The following ITPR1 variants were observed in gnomAD, a reference collection of about 807,000 sequenced individuals.
ITPR1 encodes the protein inositol 1,4,5-trisphosphate-gated calcium channel ITPR1.
A neutral mutation model predicts 318.4 loss-of-function variants in ITPR1; 96 were observed. The observed-to-expected ratio is 0.30, with a 90% CI of 0.26 to 0.36. ITPR1 has a LOEUF of 0.36. Ranked by LOEUF, ITPR1 falls within the 10% of genes least tolerant of loss-of-function variation. The pLI, the probability that ITPR1 is intolerant of heterozygous loss-of-function variation, is 1.00. For synonymous variants in ITPR1, 1,312 were observed against 1,289.9 expected, an observed-to-expected ratio of 1.02 and a Z score of -0.37; for missense variants, 2,440 against 3,460.2, an observed-to-expected ratio of 0.71 and a Z score of 7.40.
intron 4 of ITPR1, among the ~76,000 whole-genome samples, chr3:4,618,776 C>T (rs1399254403): frequency 2.6e-5 from 4 of 152,212 alleles, no homozygotes; most frequent in Admixed American, 6.5e-5. Flanking sequence ...ACATGCCCTA[C>T]ATGGTGTCAC....
At chr3:4,768,425 T>G in intron 45 of ITPR1, 86 bp from the exon 46 acceptor site, 1 of 1,417,794 alleles carries the variant, frequency 7.1e-7, no homozygotes, top group Non-Finnish European at 9.5e-7. Flanking sequence ...GATAAAGGAA[T>G]GTAGGTTTCT....
At chr3:4,764,911 A>C (rs2045706532) in intron 44 of ITPR1, among the ~76,000 whole-genome samples, 1 of 151,812 alleles carries the variant, frequency 6.6e-6, no homozygotes, top group Non-Finnish European at 1.5e-5. Flanking sequence ...CATAGTGCCC[A>C]CCTTGTGACA....
At chr3:4,613,451 A>C (rs1241572615) in intron 4 of ITPR1, among the ~76,000 whole-genome samples, 1 of 152,106 alleles carries the variant, frequency 6.6e-6, no homozygotes, top group Admixed American at 6.5e-5. Flanking sequence ...TCTTTCACGG[A>C]AGAGGGAATT....
At chr3:4,824,953 G>C (rs866028344) in intron 60 of ITPR1, among the ~76,000 whole-genome samples, 6 of 152,190 alleles carry the variant, frequency 3.9e-5, no homozygotes, top group South Asian at 2.1e-4. Context: ...CTTGAAACAG[G>C]GAATGACATG....
intron 12 of ITPR1, 83 bp from the exon 13 acceptor site, chr3:4,658,041 C>T (rs1039938017): frequency 1.7e-5 from 23 of 1,326,572 alleles, no homozygotes; most frequent in Middle Eastern, 1.9e-4. Context: ...CTTTCTTCTC[C>T]GTTCCTGTGG....
In ITPR1 at chr3:4,673,367, C is replaced by A. The variant is rs751374033; in HGVS notation, c.2436C>A (p.Pro812=). 1 of 1,608,992 alleles carries A rather than the reference C, an allele frequency of 6.2e-7. No individual in the cohort carries two copies. Among genetic ancestry groups the A allele is most frequent in the Non-Finnish European group, 8.5e-7 (1 of 1,175,924 alleles). The change falls in exon 21 of 62, where the codon CCC becomes CCA. Residue 812 remains proline, a synonymous_variant. Coordinates refer to ENST00000649015, the MANE Select transcript of ITPR1 (RefSeq NM_001378452.1). ...ATGCCCGCCTCTGGTCGGAGATTCCCTCGGAGATCGCCATTGACGAGTGAG... is the reference window on the plus strand; with the variant it reads ...ATGCCCGCCTCTGGTCGGAGATTCCATCGGAGATCGCCATTGACGAGTGAG... ...VKYARLWSEI[P]SEIAIDDYDS...
chr3:4,655,435 T>C (rs1488263513), intron 12 of ITPR1, among the ~76,000 whole-genome samples: 1 of 152,156 alleles, frequency 6.6e-6, no homozygotes, highest in East Asian at 1.9e-4. Flanking sequence ...AGACCTACCA[T>C]TTATGAGCTG....
intron 4 of ITPR1, among the ~76,000 whole-genome samples, chr3:4,597,860 G>A (rs998670242): frequency 6.6e-6 from 1 of 152,232 alleles, no homozygotes; most frequent in Non-Finnish European, 1.5e-5. Flanking sequence ...CAGAGTCACA[G>A]TGGCCTTCTC....
chr3:4,496,828 C>T (rs1212503886), intron 2 of ITPR1, among the ~76,000 whole-genome samples: 1 of 152,120 alleles, frequency 6.6e-6, no homozygotes, highest in Non-Finnish European at 1.5e-5. Context: ...TCTTCATGAG[C>T]AGCTCTTAGA....
intron 4 of ITPR1, among the ~76,000 whole-genome samples, chr3:4,612,605 G>A (rs949315072): frequency 1.3e-5 from 2 of 151,726 alleles, no homozygotes; most frequent in African/African-American, 2.4e-5. Flanking sequence ...GCTGCTTATT[G>A]TCTGGGCATG....
intron 46 of ITPR1, 32 bp from the exon 47 acceptor site, chr3:4,775,210 G>A: frequency 2.0e-6 from 3 of 1,515,110 alleles, no homozygotes; most frequent in Non-Finnish European, 2.8e-6. Flanking sequence ...CTCTGCCTTT[G>A]CTCACCGAAC....
At chr3:4,806,724 T>C (rs567973532) in intron 55 of ITPR1, among the ~76,000 whole-genome samples, 2 of 152,260 alleles carry the variant, frequency 1.3e-5, no homozygotes, top group East Asian at 3.9e-4. Context: ...TTCATGATCA[T>C]GAGCTCAGTA....
intron 13 of ITPR1, 74 bp from the exon 14 acceptor site, chr3:4,660,914 T>G: frequency 1.4e-6 from 1 of 697,396 alleles, no homozygotes; most frequent in Non-Finnish European, 2.3e-6. Flanking sequence ...TTTGATAGAT[T>G]ATATTCTAGA....
At chr3:4,795,949 G>A (rs914140960) in intron 53 of ITPR1, among the ~76,000 whole-genome samples, 2 of 152,058 alleles carry the variant, frequency 1.3e-5, no homozygotes, top group South Asian at 4.2e-4. Flanking sequence ...TCCACCTCCC[G>A]GCTAAATTTT....
chr3:4,764,769 G>T lies in ITPR1; in HGVS notation c.5545-1761G>T, dbSNP rs1463145265. On this transcript the variant is annotated intron_variant, in intron 44 of 61. Transcript: ENST00000649015. ...ACCAGCAGCCTCCTGGGTCACTTTT[G>T]TAGGGGTAAAAGGCTATTTAGTAAG... Among the ~76,000 whole-genome samples the T allele has an allele frequency of 3.9e-5, 6 of 152,196 alleles. No homozygotes were observed. The East Asian group carries it at 9.6e-4, about 24-fold the overall frequency.
rs1241714753 is a variant in ITPR1, at chr3:4,779,466, C to T, written c.6292-84C>T. 1.0e-6 allele frequency: 1 copy of T among 953,370 alleles called. No individual in the cohort carries two copies. The highest frequency in any genetic ancestry group is 1.7e-6 in the Non-Finnish European group (1 of 584,030). 59.1% of individuals were successfully genotyped at this position (953,370 alleles called of 1,614,324 possible). A position where few individuals can be genotyped will look rare whatever the true frequency, so the allele number is the denominator to read the frequency against. On this transcript the variant is annotated intron_variant, in intron 48 of 61. Coordinates refer to ENST00000649015, the MANE Select transcript of ITPR1 (RefSeq NM_001378452.1). The surrounding 1 kb of genome is among the most constrained non-coding windows in gnomAD (Gnocchi z 4.0). ...GTTCGTCTGTTTAGCCGGGATGCCT[C>T]CCATGTGCCAGTTGGCACCTGCATT... is the stretch of plus-strand genomic sequence containing the variant.
intron 4 of ITPR1, among the ~76,000 whole-genome samples, chr3:4,579,123 C>T (rs186225664): frequency 1.9e-3 from 285 of 152,292 alleles, no homozygotes; most frequent in Admixed American, 3.7e-3. Context: ...GTCTCAGTTC[C>T]GGCCCCATAG....
intron 12 of ITPR1, among the ~76,000 whole-genome samples, chr3:4,656,643 T>C (rs1002788330): frequency 6.6e-6 from 1 of 152,236 alleles, no homozygotes; most frequent in Non-Finnish European, 1.5e-5. Flanking sequence ...TGCCCTGTGC[T>C]CCTGCATTTC....
rs750366150 is a variant in ITPR1 at position 4,768,692 on chromosome 3, G to T, written c.5907G>T (p.Ala1969=). 6.2e-7 allele frequency: 1 copy of T among 1,613,854 alleles called. No homozygotes were observed. Among genetic ancestry groups the T allele is most frequent in the East Asian group, 2.2e-5 (1 of 44,870 alleles). The stretch of plus-strand genomic sequence containing the variant: ...CCAAGGACGACCTGGAGATGAGCGC[G>T]GTCATCACCATCATGCAGCCCATCC... The part of the protein sequence containing the change: ...DKAKDDLEMS[A]VITIMQPILR... Residue 1969 remains alanine (A), a synonymous_variant, in exon 46 of 62, where the codon GCG becomes GCT. Coordinates refer to ENST00000649015, the MANE Select transcript of ITPR1 (RefSeq NM_001378452.1).
Sources: gnomAD v4.1 joint callset for allele counts (sites outside exome capture counted in the v4.1 genomes callset) on GRCh38, gnomAD v4.1.1 for gene constraint, Gnocchi (gnomAD v3.1) non-coding constraint, MANE v1.5 for transcripts, NCBI Gene and HGNC (gene_info 2026-07-23, HGNC 2026-07-21) for gene names.